GAB3: variants seen among roughly 807,000 people sequenced by gnomAD.
GAB3 encodes GRB2 associated binding protein 3.
A neutral mutation model predicts 40.4 loss-of-function variants in GAB3; 12 were observed. The ratio of observed to expected loss-of-function variants is 0.30; its 90% CI spans 0.19 to 0.48. GAB3 has a LOEUF of 0.48. Ranked by LOEUF, GAB3 falls within the 20% of genes least tolerant of loss-of-function variation. GAB3 has a pLI of 0.99. For synonymous variants in GAB3, 154 were observed against 176.7 expected, an observed-to-expected ratio of 0.87 and a Z score of 1.02; for missense variants, 381 against 461.9, an observed-to-expected ratio of 0.82 and a Z score of 1.61.
At chrX:154,693,847 A>C (rs1387318620) in intron 8 of GAB3, among the ~76,000 whole-genome samples, 1 of 112,116 alleles carries the variant, frequency 8.9e-6, no homozygotes, top group Non-Finnish European at 1.9e-5. Context: ...GTTGAAATCA[A>C]AGGGCTTGAA....
intron 1 of GAB3, among the ~76,000 whole-genome samples, chrX:154,718,810 A>C (rs1557258142): frequency 8.9e-6 from 1 of 112,053 alleles, no homozygotes; most frequent in African/African-American, 3.3e-5. Flanking sequence ...GTAAAGAGGA[A>C]CTTTGTTGCA....
At chrX:154,701,033 A>G (rs2064559166) in intron 4 of GAB3, among the ~76,000 whole-genome samples, 1 of 111,833 alleles carries the variant, frequency 8.9e-6, no homozygotes. Context: ...ATATGTTTAA[A>G]GATGTACAAG....
upstream of GAB3, chrX:154,751,441 CG>C: frequency 1.5e-6 from 1 of 652,838 alleles, no homozygotes; most frequent in Non-Finnish European, 1.8e-6. Context: ...CCACGCCAAA[CG>C]GGCTGGTCCC....
Position 154,750,958 on chromosome X carries a change from C to A in GAB3, c.68G>T (p.Arg23Leu). ...GGTGGCGGCGCCCCTACTCACGTAG[C>A]GCTGTAGCTTCCTCTCGGGGGGCGA... ...VKSPPERKLQ[R>L]YAWRKRWFVL... Residue 23 changes from arginine to leucine, a missense_variant, in exon 1 of 10, where the codon CGC becomes CTC. Arg to Leu is a moderately radical substitution (Grantham distance 102). Transcript: ENST00000424127. 1 of 808,375 alleles carries A rather than the reference C, an allele frequency of 1.2e-6. No homozygotes were observed. Among genetic ancestry groups the A allele is most frequent in the Non-Finnish European group, 1.5e-6 (1 of 668,136 alleles). 66.6% of individuals were successfully genotyped at this position (808,375 alleles called of 1,213,427 possible).
chrX:154,691,936 A>C (rs972055772), intron 8 of GAB3, among the ~76,000 whole-genome samples: 8 of 111,997 alleles, frequency 7.1e-5, no homozygotes, highest in African/African-American at 2.3e-4. Context: ...TTTCCAACAA[A>C]TGGTGCTGGG....
intron 1 of GAB3, among the ~76,000 whole-genome samples, chrX:154,747,000 T>C (rs1271938188): frequency 8.9e-6 from 1 of 112,257 alleles, no homozygotes; most frequent in African/African-American, 3.2e-5. Context: ...TAGATCTACA[T>C]GGATATGGTA....
chrX:154,747,726 C>A (rs868943862), intron 1 of GAB3, among the ~76,000 whole-genome samples: 4 of 111,486 alleles, frequency 3.6e-5, no homozygotes, highest in Non-Finnish European at 7.5e-5. Flanking sequence ...TCACTTGAGC[C>A]CAAGAGGTCA....
intron 8 of GAB3, among the ~76,000 whole-genome samples, chrX:154,691,238 A>G (rs1303610191): frequency 2.3e-5 from 2 of 86,993 alleles, no homozygotes; most frequent in African/African-American, 8.9e-5. Flanking sequence ...TGGACACAGG[A>G]AGGGGAACTT....
chrX:154,721,865 A>G (rs1557258775), intron 1 of GAB3, among the ~76,000 whole-genome samples: 1 of 111,603 alleles, frequency 9.0e-6, no homozygotes, highest in Non-Finnish European at 1.9e-5. Flanking sequence ...GTTCCTAAGG[A>G]AGTTGAAATT....
At position 154,699,418 on chromosome X, in the gene GAB3, T is replaced by C. The variant is rs782153064; in HGVS notation, c.1221A>G (p.Gly407=). The C allele has an allele frequency of 8.3e-7, 1 of 1,208,748 alleles. No individual in the cohort carries two copies. Among genetic ancestry groups the C allele is most frequent in the African/African-American group, 1.8e-5 (1 of 56,873 alleles). The change falls in exon 6 of 10, where the codon GGA becomes GGG. Residue 407 remains glycine (G), a synonymous_variant. Transcript: ENST00000424127. ...MSPQAGASGL[G]PHCSPDDYIP... is the part of the protein sequence containing the mutation. ...TGTAGTCATCAGGGCTGCAGTGGGG[T>C]CCAAGACCAGAGGCACCAGCCTGGG... is the stretch of plus-strand genomic sequence containing the variant.
intron 8 of GAB3, among the ~76,000 whole-genome samples, chrX:154,690,744 C>A (rs1356414817): frequency 9.0e-5 from 10 of 110,976 alleles, no homozygotes; most frequent in Admixed American, 7.6e-4. Flanking sequence ...GTTAGAATGG[C>A]AATCATTAAA....
At chrX:154,684,569 C>A (rs191114365) in intron 8 of GAB3, among the ~76,000 whole-genome samples, 1 of 111,510 alleles carries the variant, frequency 9.0e-6, no homozygotes, top group Non-Finnish European at 1.9e-5. Flanking sequence ...GTATTCATAT[C>A]TTTTGTATTA....
rs782263257 is a variant in GAB3 at position 154,712,418 on chromosome X, A to C, written c.880T>G (p.Leu294Val). The change falls in exon 4 of 10, where the codon TTA becomes GTA. Residue 294 changes from leucine to valine, a missense_variant. Leu to Val is a conservative substitution (Grantham distance 32). Coordinates refer to ENST00000424127, the MANE Select transcript of GAB3 (RefSeq NM_001081573.3). ...TIQVDKNQGS[L>V]PCGAKELDIM... Reference sequence around the variant, plus strand: ...TCTAGTTCTTTTGCTCCACAGGGTAAGGAACCTTGATTTTTATCTACCTGA... The same window carrying C: ...TCTAGTTCTTTTGCTCCACAGGGTACGGAACCTTGATTTTTATCTACCTGA... The C allele has an allele frequency of 8.3e-7, 1 of 1,211,610 alleles. No individual in the cohort carries two copies. Among genetic ancestry groups the C allele is most frequent in the Non-Finnish European group, 1.1e-6 (1 of 895,381 alleles).
In GAB3 at chrX:154,713,225, C is replaced by G. The variant is rs149349463; in HGVS notation, c.578G>C (p.Gly193Ala). Residue 193 changes from glycine to alanine, a missense_variant, in exon 3 of 10, where the codon GGA becomes GCA. Physicochemically the swap from Gly to Ala is moderately conservative, Grantham distance 60 (BLOSUM62 0). Transcript: ENST00000424127. ...AGCATACCTGGTATGGTGCAGTCTTCCAGTCTCGCAGTTGGACAAAACCAG... is the reference window on the plus strand; with the variant it reads ...AGCATACCTGGTATGGTGCAGTCTTGCAGTCTCGCAGTTGGACAAAACCAG... ...DYLVLSNCET[G>A]RLHHTSLPTR... 1.9e-5 allele frequency: 23 copies of G among 1,208,050 alleles called. No homozygotes were observed. Among genetic ancestry groups the G allele is most frequent in the Non-Finnish European group, 6.7e-6 (6 of 893,789 alleles).
intron 1 of GAB3, among the ~76,000 whole-genome samples, chrX:154,737,787 G>T (rs2071384358): frequency 3.6e-5 from 4 of 111,931 alleles, no homozygotes; most frequent in Middle Eastern, 9.1e-3. Flanking sequence ...CTGAGGTCAG[G>T]AGTTCGAGCC....
chrX:154,697,171 C>T lies in GAB3; in HGVS notation c.1388G>A (p.Arg463Gln), dbSNP rs781853785. The change falls in exon 7 of 10, where the codon CGG (arginine) becomes CAG (glutamine). Residue 463 changes from arginine to glutamine, a missense_variant. Arg to Gln is a conservative substitution (Grantham distance 43). This residue lies in a region of GAB3 where 364 missense variants were observed against 421.0 expected (regional missense o/e 0.86). Transcript: ENST00000424127. ...PLDLRNLSIIREHASLTRTRT... is the reference protein window; with the variant it reads ...PLDLRNLSIIQEHASLTRTRT... ...GGTCCTGGTAAGAGATGCATGTTCCCGGATGATCGAGAGGTTTCTCAGGTC... is the reference window on the plus strand; with the variant it reads ...GGTCCTGGTAAGAGATGCATGTTCCTGGATGATCGAGAGGTTTCTCAGGTC... 19 of 1,196,954 alleles carry T rather than the reference C, an allele frequency of 1.6e-5. No homozygotes were observed. The highest frequency in any genetic ancestry group is 4.6e-4 in the Middle Eastern group (2 of 4,302).
intron 1 of GAB3, among the ~76,000 whole-genome samples, chrX:154,733,423 T>C (rs1350531859): frequency 8.9e-6 from 1 of 112,426 alleles, no homozygotes; most frequent in Non-Finnish European, 1.9e-5. Context: ...TTTGCTTGCC[T>C]CGTATGATGT....
intron 1 of GAB3, among the ~76,000 whole-genome samples, chrX:154,727,447 C>T (rs1278966148): frequency 4.4e-5 from 5 of 112,776 alleles, no homozygotes; most frequent in Non-Finnish European, 7.5e-5. Context: ...TGTGAGCTCC[C>T]GGACAGTAGA....
chrX:154,734,016 C>A (rs1557260259), intron 1 of GAB3, among the ~76,000 whole-genome samples: 1 of 112,222 alleles, frequency 8.9e-6, no homozygotes, highest in Non-Finnish European at 1.9e-5. Context: ...TTAGAATTCT[C>A]ATTTGGTGTG....
Sources: allele counts gnomAD v4.1 joint callset (sites outside exome capture counted in the v4.1 genomes callset), GRCh38; gene constraint gnomAD v4.1.1; regional missense constraint gnomAD v4.1.1; transcripts MANE v1.5; gene names NCBI Gene and HGNC (gene_info 2026-07-23, HGNC 2026-07-21).